Variants in EPB41L5 observed in about 807,000 individuals in gnomAD.
EPB41L5 encodes band 4.1-like protein 5.
EPB41L5 carries 55 observed loss-of-function variants against 106.6 expected under a neutral mutation model. The observed-to-expected ratio is 0.52, with a 90% CI of 0.42 to 0.65. The LOEUF is 0.65. Among genes scored for constraint, EPB41L5 ranks in the 30% least tolerant of loss-of-function variants. EPB41L5 has a pLI of 0.00. For missense variants in EPB41L5, 871 were observed against 882.1 expected, an observed-to-expected ratio of 0.99 and a Z score of 0.16; for synonymous variants, 297 against 306.7, an observed-to-expected ratio of 0.97 and a Z score of 0.33.
At chr2:120,033,308 G>C (rs1054613405) in intron 2 of EPB41L5, among the ~76,000 whole-genome samples, 2 of 152,124 alleles carry the variant, frequency 1.3e-5, no homozygotes, top group African/African-American at 2.4e-5. Context: ...TCTCAGGAAG[G>C]CTAGACTCAA....
intron 24 of EPB41L5, among the ~76,000 whole-genome samples, chr2:120,170,132 T>G (rs1401433317): frequency 3.3e-5 from 5 of 152,232 alleles, no homozygotes; most frequent in Non-Finnish European, 4.4e-5. Context: ...AACTGCACAT[T>G]AGCAGTTGAC....
chr2:120,109,392 A>G (rs1684617558), intron 16 of EPB41L5, among the ~76,000 whole-genome samples: 1 of 151,662 alleles, frequency 6.6e-6, no homozygotes, highest in African/African-American at 2.4e-5. Context: ...CTCCCTTCCT[A>G]CTCTGTTCTC....
intron 24 of EPB41L5, among the ~76,000 whole-genome samples, 162 bp downstream of exon 24, chr2:120,168,169 T>C (rs759987479): frequency 6.6e-6 from 1 of 152,256 alleles, no homozygotes; most frequent in Non-Finnish European, 1.5e-5. Flanking sequence ...GTAGTGGCTT[T>C]TTCTTGTCAG....
chr2:120,158,768 G>T (rs900453070), intron 20 of EPB41L5, among the ~76,000 whole-genome samples: 1 of 152,122 alleles, frequency 6.6e-6, no homozygotes, highest in Non-Finnish European at 1.5e-5. Flanking sequence ...GAAATAAGGG[G>T]CATCCAAATA....
At chr2:120,110,014 A>G (rs746036755) in intron 16 of EPB41L5, among the ~76,000 whole-genome samples, 33 of 152,192 alleles carry the variant, frequency 2.2e-4, no homozygotes, top group Middle Eastern at 6.3e-3. Flanking sequence ...GTATTTGACA[A>G]TTTTGCAAAT....
At position 120,035,362 on chromosome 2, in the gene EPB41L5, G is replaced by A. The variant is rs548999389; in HGVS notation, c.181-6644G>A. Among the ~76,000 whole-genome samples, 4 of 152,302 alleles carry A rather than the reference G, an allele frequency of 2.6e-5. No individual in the cohort carries two copies. The South Asian group carries it at 8.3e-4, about 32-fold the overall frequency. ...GATCCTCCTGCCTTGGCTTCCCAAA[G>A]TGCTGGGATTGTAGGCATGAGCCAC... On this transcript the variant is annotated intron_variant, in intron 2 of 24. Coordinates refer to ENST00000263713, the MANE Select transcript of EPB41L5 (RefSeq NM_020909.4).
At chr2:120,032,178 C>T (rs1224933066) in intron 2 of EPB41L5, among the ~76,000 whole-genome samples, 1 of 151,964 alleles carries the variant, frequency 6.6e-6, no homozygotes, top group East Asian at 1.9e-4. Flanking sequence ...TTAAGGCGTT[C>T]CAGACCAGCC....
chr2:120,107,540 A>T (rs1684521677), intron 16 of EPB41L5, among the ~76,000 whole-genome samples: 1 of 152,020 alleles, frequency 6.6e-6, no homozygotes, highest in Non-Finnish European at 1.5e-5. Flanking sequence ...AAGGGCTAGG[A>T]TTTGGAGATA....
At chr2:120,167,825 G>T in intron 23 of EPB41L5, 52 bp from the exon 24 acceptor site, 1 of 1,608,412 alleles carries the variant, frequency 6.2e-7, no homozygotes, top group South Asian at 1.1e-5. Flanking sequence ...CTGAAGTGCT[G>T]ACCAGGCAGG....
At chr2:120,145,888 G>A (rs1686379869) in intron 19 of EPB41L5, among the ~76,000 whole-genome samples, 1 of 152,018 alleles carries the variant, frequency 6.6e-6, no homozygotes, top group Non-Finnish European at 1.5e-5. Context: ...AGAGGTTGCA[G>A]TGAGCTGAGA....
chr2:120,112,552 G>A (rs1684770604), intron 16 of EPB41L5, among the ~76,000 whole-genome samples: 1 of 152,176 alleles, frequency 6.6e-6, no homozygotes, highest in South Asian at 2.1e-4. Context: ...AGTAGAAGTG[G>A]TTGAAGTTAA....
intron 19 of EPB41L5, among the ~76,000 whole-genome samples, chr2:120,145,898 A>C (rs1376788110): frequency 6.6e-6 from 1 of 152,092 alleles, no homozygotes; most frequent in Non-Finnish European, 1.5e-5. Flanking sequence ...GTGAGCTGAG[A>C]TTGTACCACT....
chr2:120,035,686 A>C (rs767202185), intron 2 of EPB41L5, among the ~76,000 whole-genome samples: 1 of 152,212 alleles, frequency 6.6e-6, no homozygotes, highest in Non-Finnish European at 1.5e-5. Context: ...TCTCTTAAAA[A>C]AAATTGTTGA....
chr2:120,132,750 CAG>C (rs1685758457), intron 18 of EPB41L5, among the ~76,000 whole-genome samples: 1 of 151,794 alleles, frequency 6.6e-6, no homozygotes, highest in Non-Finnish European at 1.5e-5. Context: ...AATGCAGGGC[CAG>C]AGACAGAAGG....
intron 1 of EPB41L5, among the ~76,000 whole-genome samples, chr2:120,014,049 G>A (rs1208556906): frequency 6.6e-6 from 1 of 152,216 alleles, no homozygotes; most frequent in Admixed American, 6.5e-5. Context: ...AAAACGATAT[G>A]CGTAACTGCT....
intron 22 of EPB41L5, among the ~76,000 whole-genome samples, chr2:120,166,460 GT>G (rs375453000): frequency 1.5e-3 from 213 of 144,530 alleles, no homozygotes; most frequent in Non-Finnish European, 2.6e-3. Flanking sequence ...GATTTTGTGG[GT>G]TTTTTTTTTT....
At chr2:120,086,281 G>A (rs1026674844) in intron 10 of EPB41L5, among the ~76,000 whole-genome samples, 3 of 152,084 alleles carry the variant, frequency 2.0e-5, no homozygotes, top group Non-Finnish European at 4.4e-5. Flanking sequence ...TATTTTATAT[G>A]TTATATTTAA....
chr2:120,104,998 T>C, intron 16 of EPB41L5: 1 of 985,020 alleles, frequency 1.0e-6, no homozygotes, highest in East Asian at 1.1e-4. Context: ...TACTTTGTCT[T>C]TTCATTTGAC....
intron 10 of EPB41L5, among the ~76,000 whole-genome samples, chr2:120,083,555 G>A (rs1446284015): frequency 2.6e-5 from 4 of 152,152 alleles, no homozygotes; most frequent in African/African-American, 9.7e-5. Context: ...AGTGCAATGT[G>A]GTGCTGAGAA....
Sources: gnomAD v4.1 joint callset for allele counts (sites outside exome capture counted in the v4.1 genomes callset) on GRCh38, gnomAD v4.1.1 for gene constraint, MANE v1.5 for transcripts, NCBI Gene and HGNC (gene_info 2026-07-23, HGNC 2026-07-21) for gene names.